Variants in IQGAP1 observed in about 807,000 individuals in gnomAD.
The protein encoded by IQGAP1 is IQ motif containing GTPase activating protein 1, also known as ras GTPase-activating-like protein IQGAP1.
A neutral mutation model predicts 215.6 loss-of-function variants in IQGAP1; 66 were observed. The ratio of observed to expected loss-of-function variants is 0.31; its 90% CI spans 0.25 to 0.38. The LOEUF is 0.38. Among genes scored for constraint, IQGAP1 ranks in the 10% least tolerant of loss-of-function variants. IQGAP1 has a pLI of 1.00. For missense variants in IQGAP1, 1,712 were observed against 1,997.1 expected, an observed-to-expected ratio of 0.86 and a Z score of 2.72; for synonymous variants, 772 against 728.7, an observed-to-expected ratio of 1.06 and a Z score of -0.96.
In IQGAP1 at chr15:90,497,343, G is replaced by T. The variant is rs751522354; in HGVS notation, c.4860+3G>T. ...AGACTTTTATGTTACATTATCAGGT[G>T]GGTATGCACCAGCAGGAACCAAAAA... On this transcript the variant is annotated splice_donor_region_variant and intron_variant, in intron 37 of 37. Transcript: ENST00000268182. 4.6e-6 allele frequency: 7 copies of T among 1,529,750 alleles called. No individual in the cohort carries two copies. Among genetic ancestry groups the T allele is most frequent in the Non-Finnish European group, 6.3e-6 (7 of 1,105,398 alleles). 94.8% of individuals were successfully genotyped at this position (1,529,750 alleles called of 1,614,324 possible). A position where few individuals can be genotyped will look rare whatever the true frequency, so the allele number is the denominator to read the frequency against.
intron 12 of IQGAP1, 61 bp from the exon 13 acceptor site, chr15:90,453,071 C>T (rs1965628571): frequency 1.3e-6 from 2 of 1,559,384 alleles, no homozygotes; most frequent in Non-Finnish European, 1.7e-6. Context: ...AAACTTATAA[C>T]TCCCTGGGTC....
rs555815619 is a variant in IQGAP1, at chr15:90,443,157, C to T, written c.829-237C>T. Reference sequence around the variant, plus strand: ...AAAGTTTTTTGTAGAGATGGGGTCTCGCTATGTTGCCCAGGCTGATCTCAA... The same window carrying T: ...AAAGTTTTTTGTAGAGATGGGGTCTTGCTATGTTGCCCAGGCTGATCTCAA... On this transcript the variant is annotated intron_variant, in intron 8 of 37. Transcript: ENST00000268182. Among the ~76,000 whole-genome samples the T allele has an allele frequency of 6.6e-5, 10 of 152,246 alleles. No homozygotes were observed. The East Asian group carries it at 1.6e-3, about 24-fold the overall frequency.
chr15:90,444,289 A>ATATTT (rs1555437805), intron 9 of IQGAP1, among the ~76,000 whole-genome samples: 1 of 117,416 alleles, frequency 8.5e-6, no homozygotes, highest in Admixed American at 8.4e-5. Flanking sequence ...GTATATATAT[A>ATATTT]TTTTTTTTTT....
chr15:90,454,292 T>G, intron 13 of IQGAP1, 136 bp from the exon 14 acceptor site: 1 of 857,816 alleles, frequency 1.2e-6, no homozygotes. Flanking sequence ...TTTTGCACTT[T>G]GTTTAAAGTA....
intron 2 of IQGAP1, among the ~76,000 whole-genome samples, chr15:90,405,426 A>G (rs1206374266): frequency 6.6e-6 from 1 of 152,254 alleles, no homozygotes; most frequent in East Asian, 1.9e-4. Context: ...TGACATAAAG[A>G]CTGTGAAGAG....
intron 2 of IQGAP1, among the ~76,000 whole-genome samples, chr15:90,407,198 G>A (rs1203276585): frequency 6.6e-6 from 1 of 152,202 alleles, no homozygotes; most frequent in Non-Finnish European, 1.5e-5. Flanking sequence ...TTGTTGCTCT[G>A]GGATGAGAGC....
intron 2 of IQGAP1, among the ~76,000 whole-genome samples, chr15:90,421,270 G>T (rs1965131821): frequency 6.6e-6 from 1 of 152,182 alleles, no homozygotes; most frequent in African/African-American, 2.4e-5. Flanking sequence ...GAGGTCAGGA[G>T]TTCAGGACCA....
Position 90,441,361 on chromosome 15 carries a change from T to G in IQGAP1, c.650-145T>G, listed in dbSNP as rs1044820298. On this transcript the variant is annotated intron_variant, in intron 7 of 37. Coordinates refer to ENST00000268182, the MANE Select transcript of IQGAP1 (RefSeq NM_003870.4). ...CATAGCCTGGCCCAGGGAGCCAGTCTTCGAACCCCAGTTGTTATTTCTCTG... is the reference window on the plus strand; with the variant it reads ...CATAGCCTGGCCCAGGGAGCCAGTCGTCGAACCCCAGTTGTTATTTCTCTG... 1.5e-5 allele frequency: 10 copies of G among 686,014 alleles called. No homozygotes were observed. In the Admixed American group the frequency reaches 2.3e-4, roughly 16 times the overall value. 42.5% of individuals were successfully genotyped at this position (686,014 alleles called of 1,614,324 possible). A position where few individuals can be genotyped will look rare whatever the true frequency, so the allele number is the denominator to read the frequency against.
rs1384474866 is a variant in IQGAP1 at position 90,501,796 on chromosome 15, T to C, written c.*1688T>C. On this transcript the variant is annotated 3_prime_UTR_variant, in exon 38 of 38. Transcript: ENST00000268182. ...TCAAAAACTGGGACCAACCAAAGTG[T>C]GTCAACCCTGTTTCCTTAAAAGAGG... is the stretch of plus-strand genomic sequence containing the variant. The C allele has an allele frequency of 1.3e-5, 2 of 152,192 alleles. No homozygotes were observed. The allele number at this position is 152,192 out of a possible 1,614,324, so 9.4% of individuals were successfully genotyped here. A position where few individuals can be genotyped will look rare whatever the true frequency, so the allele number is the denominator to read the frequency against.
At chr15:90,441,470 GT>G (rs777346793) in intron 7 of IQGAP1, 35 bp from the exon 8 acceptor site, 8 of 1,558,524 alleles carry the variant, frequency 5.1e-6, no homozygotes, top group Non-Finnish European at 7.0e-6. Context: ...TAATCTCAGT[GT>G]TTTTGTTGGT....
chr15:90,401,573 T>C (rs1964805590), intron 2 of IQGAP1, among the ~76,000 whole-genome samples: 1 of 152,244 alleles, frequency 6.6e-6, no homozygotes, highest in Non-Finnish European at 1.5e-5. Context: ...TAGTACCGTT[T>C]ATTGCATACT....
chr15:90,405,283 C>T (rs1302951695), intron 2 of IQGAP1, among the ~76,000 whole-genome samples: 3 of 152,158 alleles, frequency 2.0e-5, no homozygotes, highest in Admixed American at 2.0e-4. Context: ...AAACATATGG[C>T]TTAACTATCA....
At chr15:90,414,091 CAT>C (rs1965008590) in intron 2 of IQGAP1, among the ~76,000 whole-genome samples, 1 of 152,172 alleles carries the variant, frequency 6.6e-6, no homozygotes, top group Non-Finnish European at 1.5e-5. Flanking sequence ...TTTCCCAGGA[CAT>C]GTCACCATCT....
chr15:90,402,161 A>G (rs1964813672), intron 2 of IQGAP1, among the ~76,000 whole-genome samples: 1 of 152,206 alleles, frequency 6.6e-6, no homozygotes, highest in Admixed American at 6.5e-5. Context: ...ACCTGAGGGA[A>G]AGTCTCCAGT....
rs1965332309 is a variant in IQGAP1, at chr15:90,433,655, T to C, written c.391-64T>C. The C allele has an allele frequency of 4.1e-6, 4 of 964,422 alleles. No homozygotes were observed. The South Asian group carries it at 5.7e-5, about 14-fold the overall frequency. The allele number at this position is 964,422 out of a possible 1,614,324, so 59.7% of individuals were successfully genotyped here. A position where few individuals can be genotyped will look rare whatever the true frequency, so the allele number is the denominator to read the frequency against. On this transcript the variant is annotated intron_variant, in intron 4 of 37. Transcript: ENST00000268182. ...ATAGTTTGATTTGGATTATTGATGA[T>C]TGGTGAATGTCAGATGAACACAGTG...
rs552222380 is a variant in IQGAP1, at chr15:90,496,306, C to CTTTTTTTTT, written c.4752-905_4752-897dup. Reference sequence around the variant, plus strand: ...GATCATCCAGAGAACAGCATAATCCCTTTTTTTTTTTTTTTTTTTTTTTTT... The same window carrying CTTTTTTTTT: ...GATCATCCAGAGAACAGCATAATCCCTTTTTTTTTTTTTTTTTTTTTTTTTTTTTTTTTT... On this transcript the variant is annotated intron_variant, in intron 36 of 37. Coordinates refer to ENST00000268182, the MANE Select transcript of IQGAP1 (RefSeq NM_003870.4). Among the ~76,000 whole-genome samples, 44 of 106,116 alleles carry CTTTTTTTTT rather than the reference C, an allele frequency of 4.1e-4. 5 individuals carry two copies. The highest frequency in any genetic ancestry group is 1.8e-3 in the African/African-American group (40 of 22,584). 69.6% of individuals were successfully genotyped at this position (106,116 alleles called of 152,430 possible).
In IQGAP1 at chr15:90,497,245, A is replaced by G. The variant is rs764588793; in HGVS notation, c.4765A>G (p.Ile1589Val). The change falls in exon 37 of 38, where the codon ATA becomes GTA. Residue 1589 changes from isoleucine to valine, a missense_variant. Around this residue, in one of 2 missense-constraint regions of IQGAP1, gnomAD observed 691 missense variants for 923.0 expected, o/e 0.75. Transcript: ENST00000268182. ...DLQVNQFKNV[I>V]FEISPTEEVG... ...ATCTTTCAACAGGTTTAAAAATGTT[A>G]TATTTGAAATCAGTCCAACAGAAGA... 7 of 1,582,792 alleles carry G rather than the reference A, an allele frequency of 4.4e-6. No homozygotes were observed. Among genetic ancestry groups the G allele is most frequent in the Non-Finnish European group, 6.1e-6 (7 of 1,152,810 alleles).
intron 2 of IQGAP1, among the ~76,000 whole-genome samples, chr15:90,411,539 G>A: frequency 6.6e-6 from 1 of 152,104 alleles, no homozygotes; most frequent in East Asian, 1.9e-4. Flanking sequence ...GACATATATG[G>A]CTCTAGCAGA....
intron 18 of IQGAP1, among the ~76,000 whole-genome samples, chr15:90,469,411 T>C (rs370853357): frequency 3.2e-4 from 48 of 152,368 alleles, no homozygotes; most frequent in African/African-American, 1.1e-3. Context: ...ATGGGTGATT[T>C]CTACCTTGTG....
Sources: gnomAD v4.1 joint callset for allele counts (sites outside exome capture counted in the v4.1 genomes callset) on GRCh38, gnomAD v4.1.1 for gene constraint, gnomAD v4.1.1 regional missense constraint, MANE v1.5 for transcripts, NCBI Gene and HGNC (gene_info 2026-07-23, HGNC 2026-07-21) for gene names.